CERS1: variants seen among roughly 807,000 people sequenced by gnomAD.
CERS1 encodes Embryonic growth/differentiation factor 1.
A neutral mutation model predicts 35.7 loss-of-function variants in CERS1; 16 were observed. The ratio of observed to expected loss-of-function variants is 0.45; its 90% CI spans 0.30 to 0.68. The LOEUF is 0.68. CERS1 is among the 30% of genes least tolerant of loss of function. The pLI, the probability that CERS1 is intolerant of heterozygous loss-of-function variation, is 0.08. For synonymous variants in CERS1, 243 were observed against 201.6 expected, an observed-to-expected ratio of 1.21 and a Z score of -1.74; for missense variants, 454 against 453.9, an observed-to-expected ratio of 1.00 and a Z score of 0.00.
At chr19:18,869,438 G>A in intron 7 of CERS1, 48 bp from the exon 8 acceptor site, 6 of 1,516,752 alleles carry the variant, frequency 4.0e-6, no homozygotes, top group Non-Finnish European at 5.3e-6. Context: ...TCCCCGGCCT[G>A]CCCATGGGGT....
At chr19:18,885,964 G>A (rs944373441) in intron 2 of CERS1, among the ~76,000 whole-genome samples, 10 of 152,086 alleles carry the variant, frequency 6.6e-5, no homozygotes, top group African/African-American at 1.4e-4. Context: ...CCCGCCAAGC[G>A]GGTCCTGCCT....
At chr19:18,872,834 A>C (rs761178307) in intron 6 of CERS1, among the ~76,000 whole-genome samples, 20 of 151,672 alleles carry the variant, frequency 1.3e-4, no homozygotes, top group Non-Finnish European at 2.8e-4. Flanking sequence ...TTTTTAGTAG[A>C]GATGGGATTT....
rs1017237969 is a variant in CERS1 at position 18,878,026 on chromosome 19, C to T, written c.1010+904G>A. On this transcript the variant is annotated intron_variant, in intron 6 of 7. Transcript: ENST00000623882. This position sits in a 1 kb window ranked among gnomAD's most constrained non-coding sequence, Gnocchi z 4.6. ...ACGCTCCTCTGCCTGGCTACAGCCC[C>T]GGATGTGTTAAATGTCTGCATCTCG... 6 of 985,338 alleles carry T rather than the reference C, an allele frequency of 6.1e-6. No homozygotes were observed. Among genetic ancestry groups the T allele is most frequent in the South Asian group, 4.7e-5 (1 of 21,282 alleles). 61.0% of individuals were successfully genotyped at this position (985,338 alleles called of 1,614,324 possible). A position where few individuals can be genotyped will look rare whatever the true frequency, so the allele number is the denominator to read the frequency against.
chr19:18,878,715 C>G lies in CERS1; in HGVS notation c.1010+215G>C, dbSNP rs913857259. On this transcript the variant is annotated intron_variant, in intron 6 of 7. Transcript: ENST00000623882. This position sits in a 1 kb window ranked among gnomAD's most constrained non-coding sequence, Gnocchi z 4.6. ...CTGCCTGTCGCCCTGCCTGCCCCTC[C>G]CCAGCCTCTCCCTCCCCTTCCTCAC... The G allele has an allele frequency of 3.6e-6, 5 of 1,387,460 alleles. No homozygotes were observed. The Admixed American group carries it at 1.5e-4, about 41-fold the overall frequency. The allele number at this position is 1,387,460 out of a possible 1,614,324, so 85.9% of individuals were successfully genotyped here.
intron 1 of CERS1, among the ~76,000 whole-genome samples, chr19:18,893,783 G>C (rs1386833993): frequency 6.6e-6 from 1 of 152,096 alleles, no homozygotes; most frequent in African/African-American, 2.4e-5. Context: ...GGCCGCCGCG[G>C]TGCTGGGAGG....
chr19:18,870,230 CA>C lies in CERS1; in HGVS notation c.*346del. On this transcript the variant is annotated 3_prime_UTR_variant, in exon 7 of 8. Transcript: ENST00000623882. The surrounding 1 kb of genome is among the most constrained non-coding windows in gnomAD (Gnocchi z 5.1). ...GGCCTGGGGGCACGGGGGCGCGGGT[CA>C]GGGGCAGCGAGGGCAGCAGCAGGGC... The C allele has an allele frequency of 1.3e-6, 2 of 1,550,228 alleles. No homozygotes were observed. The highest frequency in any genetic ancestry group is 8.7e-7 in the Non-Finnish European group (1 of 1,152,628).
rs1388538763 is a variant in CERS1, at chr19:18,869,241, G to A, written c.*744C>T. 11 of 1,422,516 alleles carry A rather than the reference G, an allele frequency of 7.7e-6. No homozygotes were observed. The highest frequency in any genetic ancestry group is 4.5e-5 in the African/African-American group (3 of 66,108). 88.1% of individuals were successfully genotyped at this position (1,422,516 alleles called of 1,614,324 possible). The stretch of plus-strand genomic sequence containing the variant: ...ACGCTCAGCTCCCAGCCGCCCTCCG[G>A]GGCTGCCGCCGCCGCCGCCGCGAAA... On this transcript the variant is annotated 3_prime_UTR_variant, in exon 8 of 8. Coordinates refer to ENST00000623882, the MANE Select transcript of CERS1 (RefSeq NM_021267.5).
In CERS1 at chr19:18,895,712, T is replaced by G; in HGVS notation, c.249+112A>C. 1 of 512,228 alleles carries G rather than the reference T, an allele frequency of 2.0e-6. No homozygotes were observed. Among genetic ancestry groups the G allele is most frequent in the South Asian group, 6.0e-5 (1 of 16,756 alleles). The allele number at this position is 512,228 out of a possible 1,614,324, so 31.7% of individuals were successfully genotyped here. A position where few individuals can be genotyped will look rare whatever the true frequency, so the allele number is the denominator to read the frequency against. On this transcript the variant is annotated intron_variant, in intron 1 of 7. Transcript: ENST00000623882. The surrounding 1 kb of genome is among the most constrained non-coding windows in gnomAD (Gnocchi z 6.4). ...CCCCACCCACGTTCCGGCGACCCCT[T>G]CATCCGCAGCAGCCAGCGCTGGAAG...
chr19:18,870,094 G>C lies in CERS1; in HGVS notation c.*483C>G, dbSNP rs2055938556. 1.3e-6 allele frequency: 2 copies of C among 1,573,820 alleles called. No homozygotes were observed. Among genetic ancestry groups the C allele is most frequent in the Non-Finnish European group, 1.7e-6 (2 of 1,164,316 alleles). Reference sequence around the variant, plus strand: ...CGCCGCGAGCCAGACCTGGTCTCCTGGGGGTCCCGGCGTCGAAACAGGCGC... The same window carrying C: ...CGCCGCGAGCCAGACCTGGTCTCCTCGGGGTCCCGGCGTCGAAACAGGCGC... On this transcript the variant is annotated 3_prime_UTR_variant, in exon 7 of 8. Transcript: ENST00000623882. This position sits in a 1 kb window ranked among gnomAD's most constrained non-coding sequence, Gnocchi z 5.1.
At chr19:18,880,459 G>A (rs1160505020) in intron 3 of CERS1, 24 bp from the exon 4 acceptor site, 1 of 1,562,218 alleles carries the variant, frequency 6.4e-7, no homozygotes, top group South Asian at 1.2e-5. Context: ...AGGCAGAGAG[G>A]AGAGGGCAGC....
chr19:18,876,720 G>C (rs1281020967), intron 6 of CERS1, among the ~76,000 whole-genome samples: 1 of 152,130 alleles, frequency 6.6e-6, no homozygotes, highest in Non-Finnish European at 1.5e-5. Context: ...TAGATTTACA[G>C]AGATGCTACA....
chr19:18,893,840 C>T (rs1426539841), intron 1 of CERS1, among the ~76,000 whole-genome samples: 4 of 150,226 alleles, frequency 2.7e-5, no homozygotes, highest in Non-Finnish European at 5.9e-5. Context: ...CTCTGGGGGC[C>T]AGAAGGGGGA....
intron 2 of CERS1, among the ~76,000 whole-genome samples, chr19:18,887,214 A>G (rs1278123203): frequency 1.3e-5 from 2 of 152,248 alleles, no homozygotes; most frequent in African/African-American, 4.8e-5. Context: ...ATGTGGGTGA[A>G]CCCCAAAAAC....
intron 2 of CERS1, among the ~76,000 whole-genome samples, chr19:18,892,091 T>A (rs1601189104): frequency 6.6e-6 from 1 of 151,120 alleles, no homozygotes; most frequent in African/African-American, 2.4e-5. Flanking sequence ...ACAGACAGGG[T>A]TTCACCATGT....
rs746048741 is a variant in CERS1, at chr19:18,869,375, G to A, written c.*610C>T. On this transcript the variant is annotated 3_prime_UTR_variant, in exon 8 of 8. Transcript: ENST00000623882. ...CCCCGCGGCCGAGGCAGGCTCCGAGGCCCGGGTGGGCGCACCTGGGGAGGT... is the reference window on the plus strand; with the variant it reads ...CCCCGCGGCCGAGGCAGGCTCCGAGACCCGGGTGGGCGCACCTGGGGAGGT... 36 of 1,529,490 alleles carry A rather than the reference G, an allele frequency of 2.4e-5. No individual in the cohort carries two copies. In the East Asian group the frequency reaches 4.0e-4, roughly 17 times the overall value. 94.7% of individuals were successfully genotyped at this position (1,529,490 alleles called of 1,614,324 possible).
At chr19:18,884,060 C>A in intron 3 of CERS1, 27 bp downstream of exon 3, 1 of 1,599,940 alleles carries the variant, frequency 6.3e-7, no homozygotes, top group Non-Finnish European at 8.5e-7. Context: ...TGTGCCTCGG[C>A]CCCCTGCCAC....
At chr19:18,869,922 G>GCCC in intron 7 of CERS1, 61 bp downstream of exon 7, 1 of 1,503,722 alleles carries the variant, frequency 6.7e-7, no homozygotes, top group South Asian at 1.2e-5. Flanking sequence ...GGCCACTCTC[G>GCCC]AGGCTCGCCC....
At chr19:18,891,914 A>G (rs565022358) in intron 2 of CERS1, among the ~76,000 whole-genome samples, 203 of 140,028 alleles carry the variant, frequency 1.4e-3, no homozygotes, top group African/African-American at 5.1e-3. Flanking sequence ...TTTTTTTGGA[A>G]ATGAAGTCTT....
At position 18,895,940 on chromosome 19, in the gene CERS1, C is replaced by T; in HGVS notation, c.133G>A (p.Ala45Thr). The change falls in exon 1 of 8, where the codon GCG (alanine) becomes ACG (threonine). Residue 45 changes from alanine (A) to threonine (T), a missense_variant. Transcript: ENST00000623882. This position sits in a 1 kb window ranked among gnomAD's most constrained non-coding sequence, Gnocchi z 6.4. ...GCGTGCTCAGCCAGGCCGCGACGCG[C>T]CAGCCCCCAGCCGCAGTCCGTGCAG... is the stretch of plus-strand genomic sequence containing the variant. ...RGCTDCGWGL[A>T]RRGLAEHAHL... is the part of the protein sequence containing the mutation. The T allele has an allele frequency of 8.5e-7, 1 of 1,174,186 alleles. No homozygotes were observed. Among genetic ancestry groups the T allele is most frequent in the Non-Finnish European group, 1.1e-6 (1 of 949,216 alleles). 72.7% of individuals were successfully genotyped at this position (1,174,186 alleles called of 1,614,324 possible). A position where few individuals can be genotyped will look rare whatever the true frequency, so the allele number is the denominator to read the frequency against.
Sources: gnomAD v4.1 joint callset for allele counts (sites outside exome capture counted in the v4.1 genomes callset) on GRCh38, gnomAD v4.1.1 for gene constraint, Gnocchi (gnomAD v3.1) non-coding constraint, MANE v1.5 for transcripts, NCBI Gene and HGNC (gene_info 2026-07-23, HGNC 2026-07-21) for gene names.